Variants in ADAP1 observed in about 807,000 individuals in gnomAD.
ADAP1 encodes arf-GAP with dual PH domain-containing protein 1.
Under a neutral mutation model 54.9 loss-of-function variants are expected in ADAP1, and 31 were observed. That is an observed-to-expected ratio of 0.56 (90% CI 0.42 to 0.76). The LOEUF (loss-of-function observed/expected upper bound fraction) is 0.76. ADAP1 is among the 30% of genes least tolerant of loss of function. The probability of loss-of-function intolerance (pLI) is 0.00; values close to 1 mark genes in which losing one functional copy is unlikely to be tolerated. For synonymous variants in ADAP1, 313 were observed against 202.6 expected, an observed-to-expected ratio of 1.55 and a Z score of -4.63; for missense variants, 535 against 512.4, an observed-to-expected ratio of 1.04 and a Z score of -0.42.
Position 946,256 on chromosome 7 carries a change from G to A in ADAP1, c.82+8140C>T, listed in dbSNP as rs774523862. ...CCCTGCAGGGATCCAGGCTCCCGCC[G>A]GCCGGTGGATCCCCGCCAGCGAGGC... On this transcript the variant is annotated intron_variant, in intron 1 of 10. Coordinates refer to ENST00000265846, the MANE Select transcript of ADAP1 (RefSeq NM_006869.4). This position sits in a 1 kb window ranked among gnomAD's most constrained non-coding sequence, Gnocchi z 4.3. Among the ~76,000 whole-genome samples, 129 of 152,244 alleles carry A rather than the reference G, an allele frequency of 8.5e-4. 1 individual carries two copies. The highest frequency in any genetic ancestry group is 9.6e-4 in the Non-Finnish European group (65 of 68,006).
chr7:909,634 C>A (rs1044663262), intron 4 of ADAP1, among the ~76,000 whole-genome samples: 1 of 152,230 alleles, frequency 6.6e-6, no homozygotes, highest in Non-Finnish European at 1.5e-5. Context: ...AGCCCCCAGT[C>A]GGCACCAGCA....
At chr7:914,865 C>T (rs982229016) in intron 4 of ADAP1, among the ~76,000 whole-genome samples, 1 of 152,092 alleles carries the variant, frequency 6.6e-6, no homozygotes, top group African/African-American at 2.4e-5. Flanking sequence ...TTCGTGCCTA[C>T]TGACCAGGCT....
rs1583195124 is a variant in ADAP1, at chr7:954,382, C to A, written c.82+14G>T. ...GGACCCACCCGGCCCCGCGCCCACC[C>A]GGCCCACACCTACCCGGGGCGCCGC... On this transcript the variant is annotated intron_variant, in intron 1 of 10. Transcript: ENST00000265846. The A allele has an allele frequency of 2.8e-6, 3 of 1,087,072 alleles. No homozygotes were observed. Among genetic ancestry groups the A allele is most frequent in the South Asian group, 2.6e-5 (1 of 38,944 alleles). 67.3% of individuals were successfully genotyped at this position (1,087,072 alleles called of 1,614,324 possible).
chr7:952,323 G>A (rs533360914), intron 1 of ADAP1, among the ~76,000 whole-genome samples: 1 of 152,198 alleles, frequency 6.6e-6, no homozygotes, highest in African/African-American at 2.4e-5. Flanking sequence ...TTCAGAGGTG[G>A]TCTGGGACTG....
At chr7:899,886 T>C (rs1844700872) in intron 8 of ADAP1, among the ~76,000 whole-genome samples, 1 of 152,112 alleles carries the variant, frequency 6.6e-6, no homozygotes, top group Non-Finnish European at 1.5e-5. Context: ...GTGAGGAAGC[T>C]GGTCAGACGT....
intron 4 of ADAP1, among the ~76,000 whole-genome samples, chr7:911,080 G>C (rs761860863): frequency 1.6e-4 from 24 of 152,286 alleles, no homozygotes; most frequent in Non-Finnish European, 2.8e-4. Flanking sequence ...GTCTGGGGCC[G>C]GCAGAGGCTG....
At chr7:899,914 C>G (rs1844703339) in intron 8 of ADAP1, among the ~76,000 whole-genome samples, 188 bp downstream of exon 8, 1 of 152,236 alleles carries the variant, frequency 6.6e-6, no homozygotes, top group South Asian at 2.1e-4. Context: ...CAGGGAGGGT[C>G]TAACCAAAGC....
Position 898,817 on chromosome 7 carries a change from C to G in ADAP1, c.*104G>C. On this transcript the variant is annotated 3_prime_UTR_variant, in exon 11 of 11. Transcript: ENST00000265846. ...GGCCGCGCCGGGCTGCCCTGAGGAG[C>G]AGGTGGGGCCAGGTGGCCTCAGGAC... The G allele has an allele frequency of 6.8e-7, 1 of 1,479,994 alleles. No homozygotes were observed. Among genetic ancestry groups the G allele is most frequent in the South Asian group, 1.2e-5 (1 of 82,494 alleles). The allele number at this position is 1,479,994 out of a possible 1,614,324, so 91.7% of individuals were successfully genotyped here.
chr7:912,552 C>T (rs1845767228), intron 4 of ADAP1, among the ~76,000 whole-genome samples: 1 of 152,188 alleles, frequency 6.6e-6, no homozygotes, highest in African/African-American at 2.4e-5. Flanking sequence ...AGCGACGCAC[C>T]TTCCGCTACG....
intron 1 of ADAP1, among the ~76,000 whole-genome samples, chr7:939,253 CTTG>C (rs1182357203): frequency 6.6e-6 from 1 of 152,066 alleles, no homozygotes; most frequent in Non-Finnish European, 1.5e-5. Flanking sequence ...GAGTTTCGCT[CTTG>C]TTGTCCAGGC....
upstream of ADAP1, chr7:955,307 G>T (rs749025034): frequency 7.1e-6 from 11 of 1,550,132 alleles, no homozygotes; most frequent in Non-Finnish European, 8.7e-6. Flanking sequence ...TCCCAGACTC[G>T]CGTGCCCTTC....
intron 6 of ADAP1, chr7:900,883 A>AGGGCCGGGCCGGGCC (rs768360845): frequency 4.6e-5 from 18 of 393,380 alleles, no homozygotes; most frequent in Admixed American, 1.3e-4. Context: ...GAAGGGCCGA[A>AGGGCCGGGCCGGGCC]GGGCCGGGCC....
At chr7:944,364 C>T (rs4722829) in intron 1 of ADAP1, among the ~76,000 whole-genome samples, 70,580 of 150,272 alleles carry the variant, frequency 0.47, 16,880 homozygotes, top group South Asian at 0.61. Flanking sequence ...AAGCAATTCT[C>T]CTGTCTCAGC....
rs1263373908 is a variant in ADAP1, at chr7:906,797, AGGGGACATGG to A, written c.389-1635_389-1626del. 2.9e-4 allele frequency among the ~76,000 whole-genome samples: 11 copies of A among 37,352 alleles called. 1 individual carries two copies. Among genetic ancestry groups the A allele is most frequent in the Non-Finnish European group, 4.0e-4 (8 of 19,976 alleles). 24.5% of individuals were successfully genotyped at this position (37,352 alleles called of 152,430 possible). A position where few individuals can be genotyped will look rare whatever the true frequency, so the allele number is the denominator to read the frequency against. ...GGACAGGGGACACGGGGGACGGGAC[AGGGGACATGG>A]GGGGACATGGGTCAGATGGTGATGG... is the stretch of plus-strand genomic sequence containing the variant. On this transcript the variant is annotated intron_variant, in intron 4 of 10. Coordinates refer to ENST00000265846, the MANE Select transcript of ADAP1 (RefSeq NM_006869.4).
chr7:939,497 C>T (rs796514248), intron 1 of ADAP1, among the ~76,000 whole-genome samples: 5 of 150,912 alleles, frequency 3.3e-5, no homozygotes, highest in African/African-American at 4.8e-5. Context: ...GGATTACAGG[C>T]GTGAGCCACC....
At position 938,393 on chromosome 7, in the gene ADAP1, C is replaced by G. The variant is rs1254512983; in HGVS notation, c.83-2888G>C. On this transcript the variant is annotated intron_variant, in intron 1 of 10. Transcript: ENST00000265846. The surrounding 1 kb of genome is among the most constrained non-coding windows in gnomAD (Gnocchi z 4.4). Reference sequence around the variant, plus strand: ...GATGAAGTCTCTCTATGTTGCCCAGCTTGGGCTTGAACTCCTGGGCTCAAG... The same window carrying G: ...GATGAAGTCTCTCTATGTTGCCCAGGTTGGGCTTGAACTCCTGGGCTCAAG... Among the ~76,000 whole-genome samples, 3 of 151,892 alleles carry G rather than the reference C, an allele frequency of 2.0e-5. No homozygotes were observed. The highest frequency in any genetic ancestry group is 2.9e-5 in the Non-Finnish European group (2 of 67,984).
At chr7:934,726 AC>A (rs1846693812) in intron 2 of ADAP1, among the ~76,000 whole-genome samples, 1 of 152,024 alleles carries the variant, frequency 6.6e-6, no homozygotes, top group Non-Finnish European at 1.5e-5. Context: ...CCCTCCCTGC[AC>A]GCCAGGGCTT....
chr7:899,290 G>A (rs764738267), intron 9 of ADAP1, 29 bp from the exon 10 acceptor site: 2 of 1,610,088 alleles, frequency 1.2e-6, no homozygotes, highest in Admixed American at 1.7e-5. Context: ...CTGGAGGCGG[G>A]GCCATGTCCC....
chr7:936,559 T>C (rs1305033878), intron 1 of ADAP1, among the ~76,000 whole-genome samples: 1 of 152,182 alleles, frequency 6.6e-6, no homozygotes, highest in African/African-American at 2.4e-5. Context: ...CGGCAAAATG[T>C]GGGGAGCGTC....
Sources: allele counts gnomAD v4.1 joint callset (sites outside exome capture counted in the v4.1 genomes callset), GRCh38; gene constraint gnomAD v4.1.1; non-coding constraint Gnocchi (gnomAD v3.1); transcripts MANE v1.5; gene names NCBI Gene and HGNC (gene_info 2026-07-23, HGNC 2026-07-21).